Variants in TTC39C observed in about 807,000 individuals in gnomAD.
TTC39C encodes tetratricopeptide repeat protein 39C.
A neutral mutation model predicts 76.3 loss-of-function variants in TTC39C; 33 were observed. That is an observed-to-expected ratio of 0.43 (90% CI 0.33 to 0.58). The LOEUF (loss-of-function observed/expected upper bound fraction) is 0.58. TTC39C is among the 20% of genes least tolerant of loss of function. The pLI, the probability that TTC39C is intolerant of heterozygous loss-of-function variation, is 0.04. For missense variants in TTC39C, 595 were observed against 701.4 expected, an observed-to-expected ratio of 0.85 and a Z score of 1.71; for synonymous variants, 254 against 260.6, an observed-to-expected ratio of 0.97 and a Z score of 0.24.
At chr18:24,039,314 C>T (rs2083765729) in intron 1 of TTC39C, among the ~76,000 whole-genome samples, 1 of 152,214 alleles carries the variant, frequency 6.6e-6, no homozygotes, top group African/African-American at 2.4e-5. Flanking sequence ...GCAGAGCCAG[C>T]ATCCTCAGAC....
chr18:24,024,010 A>ATTTTT (rs1568409146), intron 1 of TTC39C, among the ~76,000 whole-genome samples: 6 of 6,534 alleles, frequency 9.2e-4, no homozygotes, highest in Non-Finnish European at 1.3e-3. Flanking sequence ...ATATATATAT[A>ATTTTT]TATATATTTT....
intron 6 of TTC39C, among the ~76,000 whole-genome samples, chr18:24,087,712 G>A (rs543838699): frequency 6.6e-6 from 1 of 151,654 alleles, no homozygotes; most frequent in Non-Finnish European, 1.5e-5. Flanking sequence ...AGCCTCCCGA[G>A]TAGCTGGGAT....
chr18:24,131,506 G>A (rs59533991), intron 12 of TTC39C, among the ~76,000 whole-genome samples: 5 of 151,964 alleles, frequency 3.3e-5, no homozygotes, highest in African/African-American at 1.2e-4. Flanking sequence ...TGAGGTTTGA[G>A]ACCAACCTGG....
At chr18:24,078,738 G>GGCACCCCTACCTT (rs56949300) in intron 4 of TTC39C, among the ~76,000 whole-genome samples, 152,186 of 152,274 alleles carry the variant, frequency 1, 76,049 homozygotes, top group Middle Eastern at 1. Flanking sequence ...CGATCATGTA[G>GGCACCCCTACCTT]GCACATAGAC....
rs904144493 is a variant in TTC39C, at chr18:24,080,468, T to C, written c.461-117T>C. ...ACTGGGTACAACAATAGATACTAATTTTTATGTTTTTTACATTTTTGGCTT... is the reference window on the plus strand; with the variant it reads ...ACTGGGTACAACAATAGATACTAATCTTTATGTTTTTTACATTTTTGGCTT... On this transcript the variant is annotated intron_variant, in intron 4 of 13. Coordinates refer to ENST00000317571, the MANE Select transcript of TTC39C (RefSeq NM_001135993.2). 15 of 733,776 alleles carry C rather than the reference T, an allele frequency of 2.0e-5. No individual in the cohort carries two copies. The African/African-American group carries it at 2.5e-4, about 12-fold the overall frequency. 45.5% of individuals were successfully genotyped at this position (733,776 alleles called of 1,614,324 possible). A position where few individuals can be genotyped will look rare whatever the true frequency, so the allele number is the denominator to read the frequency against.
chr18:24,039,762 G>A (rs992127456), intron 1 of TTC39C, among the ~76,000 whole-genome samples: 10 of 152,194 alleles, frequency 6.6e-5, no homozygotes, highest in Admixed American at 4.6e-4. Flanking sequence ...CCCACATGGG[G>A]TCTGGGGAGA....
Position 24,080,577 on chromosome 18 carries a change from CT to C in TTC39C, c.461-3del, listed in dbSNP as rs2145758062. 2 of 1,570,710 alleles carry C rather than the reference CT, an allele frequency of 1.3e-6. No individual in the cohort carries two copies. On this transcript the variant is annotated splice_polypyrimidine_tract_variant and splice_region_variant and intron_variant, in intron 4 of 13. Coordinates refer to ENST00000317571, the MANE Select transcript of TTC39C (RefSeq NM_001135993.2). ...GTTTTTGAATCTTTTCTCCCCTTCT[CT>C]TTTTAGCTTATATCAAAGGTGGGTG...
At chr18:24,103,607 C>G (rs2084706224) in intron 6 of TTC39C, among the ~76,000 whole-genome samples, 1 of 152,222 alleles carries the variant, frequency 6.6e-6, no homozygotes, top group Admixed American at 6.5e-5. Flanking sequence ...ATCTCTTTCA[C>G]ATGTGATGTT....
intron 6 of TTC39C, among the ~76,000 whole-genome samples, chr18:24,108,375 A>G (rs1367959788): frequency 6.6e-6 from 1 of 152,160 alleles, no homozygotes; most frequent in Non-Finnish European, 1.5e-5. Context: ...TCCCTTTGGC[A>G]ATATAGTCTG....
At chr18:24,003,818 C>T (rs931229745) in intron 1 of TTC39C, among the ~76,000 whole-genome samples, 18 of 152,214 alleles carry the variant, frequency 1.2e-4, no homozygotes, top group Non-Finnish European at 2.6e-4. Flanking sequence ...TACAATCATA[C>T]CTCACTGCAG....
intron 1 of TTC39C, among the ~76,000 whole-genome samples, chr18:24,043,923 T>G (rs1276831530): frequency 6.6e-6 from 1 of 152,220 alleles, no homozygotes; most frequent in Non-Finnish European, 1.5e-5. Flanking sequence ...CATTTAGCAT[T>G]GCACAGGCAG....
At chr18:24,045,310 A>C in intron 1 of TTC39C, among the ~76,000 whole-genome samples, 1 of 141,704 alleles carries the variant, frequency 7.1e-6, no homozygotes, top group East Asian at 2.2e-4. Flanking sequence ...ACCCCAGCCC[A>C]CCTGAGTGAG....
intron 8 of TTC39C, among the ~76,000 whole-genome samples, chr18:24,122,496 A>G (rs2084980493): frequency 1.5e-5 from 2 of 137,662 alleles, no homozygotes; most frequent in African/African-American, 2.6e-5. Context: ...GCAAGACTCC[A>G]TCTCAAAAAA....
intron 1 of TTC39C, among the ~76,000 whole-genome samples, chr18:24,004,972 T>C (rs1324429548): frequency 6.6e-6 from 1 of 152,200 alleles, no homozygotes; most frequent in Non-Finnish European, 1.5e-5. Flanking sequence ...AATTAGATCA[T>C]ATATGAGATA....
Position 24,132,543 on chromosome 18 carries a change from T to G in TTC39C, c.1721T>G (p.Leu574Arg). 1 of 1,614,110 alleles carries G rather than the reference T, an allele frequency of 6.2e-7. No homozygotes were observed. Among genetic ancestry groups the G allele is most frequent in the Middle Eastern group, 1.7e-4 (1 of 6,054 alleles). Residue 574 changes from leucine (L) to arginine (R), a missense_variant, in exon 14 of 14, where the codon CTG becomes CGG. Physicochemically the swap from Leu to Arg is moderately radical, Grantham distance 102. Transcript: ENST00000317571. ...TTGCATGTCCGCATCCATGCTGCTCTGGCCTCTCTGAGGGAATTGGTTCCT... is the reference window on the plus strand; with the variant it reads ...TTGCATGTCCGCATCCATGCTGCTCGGGCCTCTCTGAGGGAATTGGTTCCT... Reference protein sequence around the residue: ...NRLHVRIHAALASLRELVPQ With the variant: ...NRLHVRIHAARASLRELVPQ
chr18:24,128,978 G>A lies in TTC39C; in HGVS notation c.1513G>A (p.Val505Ile), dbSNP rs1308474214. The change falls in exon 11 of 14, where the codon GTT (valine) becomes ATT (isoleucine). Residue 505 changes from valine (V) to isoleucine (I), a missense_variant. By Grantham distance (29) the Val-to-Ile change is conservative (BLOSUM62 3). Coordinates refer to ENST00000317571, the MANE Select transcript of TTC39C (RefSeq NM_001135993.2). Reference protein sequence around the residue: ...HKCLGNSEDAVQYFQRAVKDE... With the variant: ...HKCLGNSEDAIQYFQRAVKDE... Reference sequence around the variant, plus strand: ...ATGTCTAGGAAACTCAGAAGATGCTGTTCAGGTAAACTGTTAATGTTGTCA... The same window carrying A: ...ATGTCTAGGAAACTCAGAAGATGCTATTCAGGTAAACTGTTAATGTTGTCA... 6.2e-7 allele frequency: 1 copy of A among 1,612,702 alleles called. No homozygotes were observed. Among genetic ancestry groups the A allele is most frequent in the East Asian group, 2.2e-5 (1 of 44,820 alleles).
intron 4 of TTC39C, among the ~76,000 whole-genome samples, chr18:24,069,673 A>G (rs772816410): frequency 6.6e-6 from 1 of 152,228 alleles, no homozygotes; most frequent in Non-Finnish European, 1.5e-5. Flanking sequence ...GGTTTCACGT[A>G]TATTAGGAGA....
chr18:24,117,831 C>T (rs1476056065), intron 7 of TTC39C, among the ~76,000 whole-genome samples: 1 of 152,084 alleles, frequency 6.6e-6, no homozygotes, highest in East Asian at 1.9e-4. Context: ...CTTGGGTTAG[C>T]CTCACGACTG....
chr18:24,007,960 A>G lies in TTC39C; in HGVS notation c.-17+14922A>G, dbSNP rs546791176. ...TCTTGGTATTACAGATTAACAAAGC[A>G]TGTTCACGTGCCCACTATCTCATTT... is the stretch of plus-strand genomic sequence containing the variant. On this transcript the variant is annotated intron_variant, in intron 1 of 13. Coordinates refer to the TTC39C transcript ENST00000304621. 3.9e-5 allele frequency among the ~76,000 whole-genome samples: 6 copies of G among 152,356 alleles called. No homozygotes were observed. The South Asian group carries it at 8.3e-4, about 21-fold the overall frequency.
Sources: allele counts gnomAD v4.1 joint callset (sites outside exome capture counted in the v4.1 genomes callset), GRCh38; gene constraint gnomAD v4.1.1; transcripts MANE v1.5; gene names NCBI Gene and HGNC (gene_info 2026-07-23, HGNC 2026-07-21).